The following NTRK2 variants were observed in gnomAD, a reference collection of about 807,000 sequenced individuals.
NTRK2 encodes BDNF/NT-3 growth factors receptor.
A neutral mutation model predicts 94.5 loss-of-function variants in NTRK2; 13 were observed. That is an observed-to-expected ratio of 0.14 (90% CI 0.09 to 0.22). NTRK2 has a LOEUF of 0.22. NTRK2 is among the 10% of genes least tolerant of loss of function. NTRK2 has a pLI of 1.00. For synonymous variants in NTRK2, 372 were observed against 407.4 expected (o/e 0.91, Z 1.05); for missense variants, 639 against 1,071.2 (o/e 0.60, Z 5.63).
intron 2 of NTRK2, among the ~76,000 whole-genome samples, chr9:84,682,040 A>G (rs570062037): frequency 9.2e-5 from 14 of 152,322 alleles, no homozygotes; most frequent in African/African-American, 3.4e-4. Context: ...AAATGGCATT[A>G]AGCTAAGCTT....
chr9:84,957,101 C>T (rs1028012263), intron 17 of NTRK2, among the ~76,000 whole-genome samples: 2 of 152,142 alleles, frequency 1.3e-5, no homozygotes, highest in African/African-American at 4.8e-5. Context: ...AAAGTTCTCC[C>T]TTCCTTGATG....
chr9:84,879,155 A>G (rs78905241), intron 14 of NTRK2, among the ~76,000 whole-genome samples: 3,275 of 152,244 alleles, frequency 0.022, 54 homozygotes, highest in Non-Finnish European at 0.033. Context: ...AGAGAGAGAG[A>G]CAGAGAGAGA....
chr9:84,713,104 T>A (rs1187349896), intron 6 of NTRK2, among the ~76,000 whole-genome samples: 1 of 152,194 alleles, frequency 6.6e-6, no homozygotes, highest in Non-Finnish European at 1.5e-5. Context: ...TTAGTGTTTG[T>A]CTTTCTAAAA....
At chr9:84,712,821 C>A (rs1328189284) in intron 6 of NTRK2, among the ~76,000 whole-genome samples, 1 of 152,140 alleles carries the variant, frequency 6.6e-6, no homozygotes, top group Non-Finnish European at 1.5e-5. Flanking sequence ...TTCTTTTTAA[C>A]CATTACGTGA....
chr9:84,884,425 AT>A (rs1317013946), intron 14 of NTRK2, among the ~76,000 whole-genome samples: 6 of 152,214 alleles, frequency 3.9e-5, no homozygotes, highest in African/African-American at 7.2e-5. Flanking sequence ...AAAAACTGAA[AT>A]TTGCAACCTA....
At chr9:84,747,775 C>G (rs2064224281) in intron 11 of NTRK2, among the ~76,000 whole-genome samples, 1 of 152,190 alleles carries the variant, frequency 6.6e-6, no homozygotes, top group African/African-American at 2.4e-5. Flanking sequence ...GCCACCGCAC[C>G]TGGCCTTCTG....
chr9:84,897,445 G>A (rs571129602), intron 14 of NTRK2, among the ~76,000 whole-genome samples: 28 of 152,264 alleles, frequency 1.8e-4, no homozygotes, highest in Non-Finnish European at 3.5e-4. Flanking sequence ...TTGAGCCCCC[G>A]TTCTTAATCA....
intron 12 of NTRK2, among the ~76,000 whole-genome samples, chr9:84,856,248 C>A (rs544051704): frequency 1.3e-5 from 2 of 152,212 alleles, no homozygotes; most frequent in East Asian, 3.9e-4. Flanking sequence ...TTTCCAGAAC[C>A]AGTTTAACTC....
intron 9 of NTRK2, among the ~76,000 whole-genome samples, chr9:84,736,709 A>G (rs1588258468): frequency 1.3e-5 from 2 of 152,184 alleles, no homozygotes; most frequent in South Asian, 4.1e-4. Flanking sequence ...CAGGAGTGCT[A>G]ATGTTAGTTA....
chr9:84,844,539 T>C (rs2074360963), intron 12 of NTRK2, among the ~76,000 whole-genome samples: 1 of 152,100 alleles, frequency 6.6e-6, no homozygotes, highest in African/African-American at 2.4e-5. Context: ...CCTTCTGTTA[T>C]AAACAGCTGA....
At chr9:85,011,063 G>A (rs1450023667) in intron 17 of NTRK2, among the ~76,000 whole-genome samples, 3 of 152,178 alleles carry the variant, frequency 2.0e-5, no homozygotes, top group Non-Finnish European at 2.9e-5. Context: ...GCAAAGGGGT[G>A]TGTAGGAGAG....
At chr9:84,912,413 A>G (rs1326589419) in intron 14 of NTRK2, among the ~76,000 whole-genome samples, 1 of 151,966 alleles carries the variant, frequency 6.6e-6, no homozygotes, top group Non-Finnish European at 1.5e-5. Flanking sequence ...TTGTCCTCGT[A>G]TGGTTTTCAG....
Position 85,024,235 on chromosome 9 carries a change from A to G in NTRK2, c.*2798A>G. 1 of 232,736 alleles carries G rather than the reference A, an allele frequency of 4.3e-6. No homozygotes were observed. The highest frequency in any genetic ancestry group is 8.5e-6 in the Non-Finnish European group (1 of 117,748). The allele number at this position is 232,736 out of a possible 1,614,324, so 14.4% of individuals were successfully genotyped here. ...CTGAACGAGCCACAGAATATCTGAA[A>G]TTATTCATTGTTGTTCCTCCACCAC... On this transcript the variant is annotated 3_prime_UTR_variant, in exon 19 of 19. Transcript: ENST00000277120.
chr9:85,002,886 G>T (rs972929793), intron 17 of NTRK2, among the ~76,000 whole-genome samples: 4 of 152,116 alleles, frequency 2.6e-5, no homozygotes, highest in Non-Finnish European at 5.9e-5. Flanking sequence ...GGGTGGATAG[G>T]GTTGTCTACA....
Position 84,826,906 on chromosome 9 carries a change from A to G in NTRK2, c.1397-34134A>G, listed in dbSNP as rs187435665. Among the ~76,000 whole-genome samples, 3 of 152,308 alleles carry G rather than the reference A, an allele frequency of 2.0e-5. No individual in the cohort carries two copies. In the East Asian group the frequency reaches 5.8e-4, roughly 29 times the overall value. On this transcript the variant is annotated intron_variant, in intron 12 of 18. Transcript: ENST00000277120. ...TTTGAAGGAGTTTTGTGTTTGTTGA[A>G]TGAATAAACAGGTGTTCAGATCTGA...
rs201040004 is a variant in NTRK2, at chr9:84,813,208, T to C, written c.1397-47832T>C. ...CAGGTCTCCTAAATGAACAGAATGA[T>C]CTGTGTGAGCCGATGCCTGCCCTTC... On this transcript the variant is annotated intron_variant, in intron 12 of 18. Transcript: ENST00000277120. 8.2e-5 allele frequency: 86 copies of C among 1,050,272 alleles called. No homozygotes were observed. In the South Asian group the frequency reaches 3.4e-3, roughly 41 times the overall value. 65.1% of individuals were successfully genotyped at this position (1,050,272 alleles called of 1,614,324 possible). A position where few individuals can be genotyped will look rare whatever the true frequency, so the allele number is the denominator to read the frequency against.
chr9:84,699,776 T>TC (rs1475571653), intron 2 of NTRK2, among the ~76,000 whole-genome samples: 9 of 152,164 alleles, frequency 5.9e-5, no homozygotes, highest in Non-Finnish European at 1.2e-4. Context: ...TTCTTTTTTT[T>TC]CCCACATAGT....
At position 85,010,791 on chromosome 9, in the gene NTRK2, G is replaced by A. The variant is rs147626565; in HGVS notation, c.2173-9415G>A. Among the ~76,000 whole-genome samples the A allele has an allele frequency of 4.2e-3, 643 of 152,320 alleles. 16 individuals carry two copies. Among genetic ancestry groups the A allele is most frequent in the Admixed American group, 0.038 (575 of 15,304 alleles). The stretch of plus-strand genomic sequence containing the variant: ...ATTAAAGCTTAATGCTGTACTGAGA[G>A]AAGATTTACTTGCTCCCCATTAGAG... On this transcript the variant is annotated intron_variant, in intron 17 of 18. Transcript: ENST00000277120.
chr9:84,887,260 A>G (rs988377430), intron 14 of NTRK2, among the ~76,000 whole-genome samples: 1 of 152,186 alleles, frequency 6.6e-6, no homozygotes, highest in African/African-American at 2.4e-5. Flanking sequence ...ACCAAGTATG[A>G]ATGTGTTGCT....
Sources: allele counts gnomAD v4.1 joint callset (sites outside exome capture counted in the v4.1 genomes callset), GRCh38; gene constraint gnomAD v4.1.1; transcripts MANE v1.5; gene names NCBI Gene and HGNC (gene_info 2026-07-23, HGNC 2026-07-21).